Variants in IQCM observed in about 807,000 individuals in gnomAD.
IQCM encodes IQ domain-containing protein M.
In IQCM, 45 loss-of-function variants were observed where a neutral mutation model predicts 57.6. The observed-to-expected ratio is 0.78, with a 90% confidence interval of 0.62 to 1.00. IQCM has a LOEUF of 1.00. Among genes scored for constraint, IQCM ranks in the 50% least tolerant of loss-of-function variants. The probability of loss-of-function intolerance (pLI) is 0.00; values close to 1 mark genes in which losing one functional copy is unlikely to be tolerated. For missense variants in IQCM, 468 were observed against 511.6 expected (o/e 0.91, Z 0.82); for synonymous variants, 148 against 158.9 (o/e 0.93, Z 0.51).
intron 12 of IQCM, among the ~76,000 whole-genome samples, chr4:149,541,366 G>T (rs1747829924): frequency 6.6e-6 from 1 of 151,784 alleles, no homozygotes; most frequent in Non-Finnish European, 1.5e-5. Flanking sequence ...TTTTGTCTAG[G>T]GCTCCTCACT....
At chr4:149,481,759 T>C (rs574363715) in intron 12 of IQCM, among the ~76,000 whole-genome samples, 4 of 135,618 alleles carry the variant, frequency 2.9e-5, no homozygotes, top group Admixed American at 1.6e-4. Context: ...ATTCTGGGTC[T>C]TCTGTGATTC....
chr4:149,471,920 A>G (rs1473962784), intron 12 of IQCM, among the ~76,000 whole-genome samples: 6 of 152,126 alleles, frequency 3.9e-5, no homozygotes, highest in Admixed American at 3.9e-4. Flanking sequence ...AAAATTCAAC[A>G]CCCTTCATGC....
chr4:149,574,360 G>T (rs923758118), intron 9 of IQCM, among the ~76,000 whole-genome samples: 1 of 151,902 alleles, frequency 6.6e-6, no homozygotes. Flanking sequence ...AAATAAAAAT[G>T]TGAGTCATTA....
intron 2 of IQCM, among the ~76,000 whole-genome samples, chr4:149,778,758 T>C (rs1436875806): frequency 1.3e-5 from 2 of 152,054 alleles, no homozygotes; most frequent in Admixed American, 6.5e-5. Context: ...AATAGACAAA[T>C]TCCTCAAAAA....
At chr4:149,529,947 G>A (rs1746565824) in intron 12 of IQCM, among the ~76,000 whole-genome samples, 1 of 152,154 alleles carries the variant, frequency 6.6e-6, no homozygotes, top group African/African-American at 2.4e-5. Context: ...CTGCTCCACT[G>A]TTGTTTCCTT....
chr4:149,525,372 G>A (rs1746055568), intron 12 of IQCM, among the ~76,000 whole-genome samples: 1 of 151,806 alleles, frequency 6.6e-6, no homozygotes, highest in Non-Finnish European at 1.5e-5. Flanking sequence ...ACAAAAATAT[G>A]TGATTCATAA....
At position 149,356,259 on chromosome 4, in the gene IQCM, T is replaced by C. The variant is rs1182239148; in HGVS notation, c.1391-4193A>G. ...AGCTCTTTAGTTTAATTAGATCCCA[T>C]TTGTCAATTTTGGCTTTTGTTGCCT... On this transcript the variant is annotated intron_variant, in intron 13 of 13. Transcript: ENST00000636793. 2.6e-5 allele frequency among the ~76,000 whole-genome samples: 4 copies of C among 152,194 alleles called. No homozygotes were observed. In the East Asian group the frequency reaches 7.7e-4, roughly 29 times the overall value.
chr4:149,724,328 AT>A (rs1765704342), intron 5 of IQCM, among the ~76,000 whole-genome samples: 1 of 151,956 alleles, frequency 6.6e-6, no homozygotes, highest in Non-Finnish European at 1.5e-5. Flanking sequence ...GCACAAAGTC[AT>A]TTTTTTCTGA....
chr4:149,714,702 A>G (rs1005809332), intron 5 of IQCM, among the ~76,000 whole-genome samples: 2 of 152,176 alleles, frequency 1.3e-5, no homozygotes, highest in African/African-American at 4.8e-5. Flanking sequence ...AAATAGAATA[A>G]TTATAATAAT....
At chr4:149,535,159 G>A (rs1309629810) in intron 12 of IQCM, among the ~76,000 whole-genome samples, 1 of 151,996 alleles carries the variant, frequency 6.6e-6, no homozygotes. Flanking sequence ...ACTACCTTAA[G>A]TCCTTTGGAA....
At chr4:149,683,379 C>G (rs1487004899) in intron 6 of IQCM, among the ~76,000 whole-genome samples, 1 of 151,144 alleles carries the variant, frequency 6.6e-6, no homozygotes, top group African/African-American at 2.4e-5. Flanking sequence ...GCCTAGAAAG[C>G]AGCATGGTCT....
At chr4:149,686,300 C>A in intron 6 of IQCM, 78 bp downstream of exon 6, 6 of 603,274 alleles carry the variant, frequency 9.9e-6, no homozygotes, top group Non-Finnish European at 1.4e-5. Flanking sequence ...ACTTGAGAGA[C>A]CATGACAATT....
At chr4:149,516,489 T>A (rs1744981880) in intron 12 of IQCM, among the ~76,000 whole-genome samples, 1 of 152,198 alleles carries the variant, frequency 6.6e-6, no homozygotes, top group South Asian at 2.1e-4. Flanking sequence ...AGCAGCTGGA[T>A]TGACAGAATT....
intron 8 of IQCM, among the ~76,000 whole-genome samples, chr4:149,591,456 T>C (rs1433329525): frequency 7.1e-6 from 1 of 141,772 alleles, no homozygotes; most frequent in East Asian, 2.2e-4. Context: ...TGGTTAAAGG[T>C]TTTTTTTTTT....
At chr4:149,714,578 A>G (rs1764838793) in intron 5 of IQCM, among the ~76,000 whole-genome samples, 1 of 152,174 alleles carries the variant, frequency 6.6e-6, no homozygotes, top group African/African-American at 2.4e-5. Context: ...GATGCCTGAA[A>G]CTGTGGGTAG....
chr4:149,404,879 C>T (rs146390140), intron 13 of IQCM, among the ~76,000 whole-genome samples: 15 of 151,906 alleles, frequency 9.9e-5, no homozygotes, highest in African/African-American at 2.2e-4. Context: ...AAATATATTT[C>T]GTAGAGAAAT....
chr4:149,467,054 G>A (rs186508217), intron 12 of IQCM, among the ~76,000 whole-genome samples: 8 of 152,246 alleles, frequency 5.3e-5, no homozygotes, highest in African/African-American at 1.4e-4. Flanking sequence ...TTTCTTTTGG[G>A]GGGGCACATA....
At chr4:149,646,502 A>G (rs1031271189) in intron 7 of IQCM, among the ~76,000 whole-genome samples, 1 of 152,096 alleles carries the variant, frequency 6.6e-6, no homozygotes, top group Admixed American at 6.5e-5. Flanking sequence ...CACCTTTTAC[A>G]TTCTTAATAT....
chr4:149,749,832 A>G (rs944360715), intron 2 of IQCM, among the ~76,000 whole-genome samples: 2 of 152,230 alleles, frequency 1.3e-5, no homozygotes, highest in African/African-American at 4.8e-5. Flanking sequence ...AAGAAATATG[A>G]AGCATCAAGC....
Sources: allele counts gnomAD v4.1 joint callset (sites outside exome capture counted in the v4.1 genomes callset), GRCh38; gene constraint gnomAD v4.1.1; transcripts MANE v1.5; gene names NCBI Gene and HGNC (gene_info 2026-07-23, HGNC 2026-07-21).